Variants in PDZRN4 observed in about 807,000 individuals in gnomAD.
The protein encoded by PDZRN4 is PDZ domain containing ring finger 4.
Under a neutral mutation model 99.0 loss-of-function variants are expected in PDZRN4, and 70 were observed. The ratio of observed to expected loss-of-function variants is 0.71; its 90% CI spans 0.58 to 0.86. The LOEUF is 0.86. Among genes scored for constraint, PDZRN4 ranks in the 40% least tolerant of loss-of-function variants. PDZRN4 has a pLI of 0.00. For missense variants in PDZRN4, 1,474 were observed against 1,331.2 expected (o/e 1.11, Z -1.67); for synonymous variants, 551 against 501.6 (o/e 1.10, Z -1.32).
chr12:41,274,406 A>G (rs991418708), intron 3 of PDZRN4, among the ~76,000 whole-genome samples: 6 of 152,180 alleles, frequency 3.9e-5, no homozygotes, highest in African/African-American at 1.4e-4. Context: ...TTATAAATGG[A>G]AAACGCTTAA....
At chr12:41,285,625 C>A (rs1204712137) in intron 3 of PDZRN4, among the ~76,000 whole-genome samples, 1 of 152,142 alleles carries the variant, frequency 6.6e-6, no homozygotes, top group Admixed American at 6.5e-5. Context: ...CAACGTTAGA[C>A]TGGACAAAGA....
At chr12:41,370,108 C>T (rs1952030227) in intron 3 of PDZRN4, among the ~76,000 whole-genome samples, 2 of 151,876 alleles carry the variant, frequency 1.3e-5, no homozygotes, top group Admixed American at 6.6e-5. Flanking sequence ...TGCCCCTAAA[C>T]TAATTATAAT....
intron 3 of PDZRN4, among the ~76,000 whole-genome samples, chr12:41,494,603 A>G (rs1442317865): frequency 1.3e-5 from 2 of 151,528 alleles, no homozygotes; most frequent in Non-Finnish European, 2.9e-5. Context: ...TTTTTGCCTT[A>G]GGCATCAATC....
At chr12:41,234,144 T>G (rs936043686) in intron 3 of PDZRN4, among the ~76,000 whole-genome samples, 1 of 151,990 alleles carries the variant, frequency 6.6e-6, no homozygotes, top group Non-Finnish European at 1.5e-5. Flanking sequence ...ATAGTTTTCC[T>G]TTAAACCCCC....
chr12:41,336,821 G>C lies in PDZRN4; in HGVS notation c.843+142633G>C, dbSNP rs147300705. Among the ~76,000 whole-genome samples the C allele has an allele frequency of 3.1e-3, 474 of 152,162 alleles. 5 individuals carry two copies. The highest frequency in any genetic ancestry group is 0.011 in the African/African-American group (451 of 41,550). On this transcript the variant is annotated intron_variant, in intron 3 of 9. Transcript: ENST00000402685. ...TTCTTGCTGTCTTCTGTTCCTAGGTGGGATGGCAGAACTGGTTGAGCCAGA... is the reference window on the plus strand; with the variant it reads ...TTCTTGCTGTCTTCTGTTCCTAGGTCGGATGGCAGAACTGGTTGAGCCAGA...
intron 3 of PDZRN4, among the ~76,000 whole-genome samples, chr12:41,350,730 A>C (rs1193643367): frequency 6.6e-6 from 1 of 152,150 alleles, no homozygotes; most frequent in African/African-American, 2.4e-5. Flanking sequence ...ATAGTAGCTT[A>C]GAAAGTTACA....
chr12:41,279,986 T>C (rs149238440), intron 3 of PDZRN4, among the ~76,000 whole-genome samples: 1,729 of 151,998 alleles, frequency 0.011, 40 homozygotes, highest in African/African-American at 0.039. Flanking sequence ...AGAAGGTGGG[T>C]GATTTCTGCA....
intron 3 of PDZRN4, among the ~76,000 whole-genome samples, chr12:41,250,320 A>G (rs527724089): frequency 3.9e-5 from 6 of 152,298 alleles, no homozygotes; most frequent in Non-Finnish European, 8.8e-5. Flanking sequence ...CTCCAAAAAC[A>G]TTTTCAAGAA....
intron 3 of PDZRN4, among the ~76,000 whole-genome samples, chr12:41,311,729 AT>A (rs1951608186): frequency 6.6e-6 from 1 of 152,200 alleles, no homozygotes; most frequent in African/African-American, 2.4e-5. Context: ...TGTATGAGTT[AT>A]TGATGCTCTG....
At chr12:41,481,947 C>T (rs1419167721) in intron 3 of PDZRN4, among the ~76,000 whole-genome samples, 1 of 152,014 alleles carries the variant, frequency 6.6e-6, no homozygotes, top group Non-Finnish European at 1.5e-5. Context: ...TATAACAATA[C>T]TTTTTAAAGA....
At chr12:41,251,231 G>A (rs1382483640) in intron 3 of PDZRN4, among the ~76,000 whole-genome samples, 1 of 152,106 alleles carries the variant, frequency 6.6e-6, no homozygotes, top group Non-Finnish European at 1.5e-5. Flanking sequence ...AGATGTTTGT[G>A]GTGTTGGCTA....
At chr12:41,317,180 A>G (rs1951645014) in intron 3 of PDZRN4, among the ~76,000 whole-genome samples, 1 of 151,142 alleles carries the variant, frequency 6.6e-6, no homozygotes, top group Admixed American at 6.6e-5. Flanking sequence ...ATAGGTAAAC[A>G]TCTATCTACC....
intron 3 of PDZRN4, among the ~76,000 whole-genome samples, chr12:41,304,671 AT>A (rs1951558025): frequency 6.6e-6 from 1 of 152,226 alleles, no homozygotes; most frequent in South Asian, 2.1e-4. Flanking sequence ...TGCTAGAGAT[AT>A]AAAAATGAAT....
intron 3 of PDZRN4, among the ~76,000 whole-genome samples, chr12:41,211,717 T>C (rs1028517790): frequency 1.3e-5 from 2 of 151,996 alleles, no homozygotes; most frequent in Non-Finnish European, 2.9e-5. Context: ...TGTATATAAA[T>C]GCAATTTAAT....
chr12:41,464,820 C>CTTTTTTT (rs5797739), intron 3 of PDZRN4, among the ~76,000 whole-genome samples: 48 of 104,814 alleles, frequency 4.6e-4, no homozygotes, highest in African/African-American at 1.7e-3. Context: ...GCCTGTTGTA[C>CTTTTTTT]TTTTTTTTTT....
rs757133954 is a variant in PDZRN4 at position 41,478,139 on chromosome 12, G to A, written c.844-28317G>A. 5.9e-5 allele frequency among the ~76,000 whole-genome samples: 9 copies of A among 151,794 alleles called. No homozygotes were observed. In the Middle Eastern group the frequency reaches 0.01, roughly 172 times the overall value. On this transcript the variant is annotated intron_variant, in intron 3 of 9. Transcript: ENST00000402685. ...TTTTGTTTTTTGTTTTTTTGGAGAC[G>A]AAGACTCACTCTGTCACCCAGGCTG...
intron 3 of PDZRN4, among the ~76,000 whole-genome samples, chr12:41,418,964 T>C (rs749010946): frequency 6.6e-6 from 1 of 152,152 alleles, no homozygotes; most frequent in Non-Finnish European, 1.5e-5. Flanking sequence ...TGGCTTCTCG[T>C]AGCCAGAAGA....
chr12:41,373,690 A>G (rs903272855), intron 3 of PDZRN4, among the ~76,000 whole-genome samples: 2 of 152,112 alleles, frequency 1.3e-5, no homozygotes, highest in African/African-American at 4.8e-5. Flanking sequence ...CAGTCATCAC[A>G]GGGTCCTGAG....
At chr12:41,416,623 C>T (rs1355059036) in intron 3 of PDZRN4, among the ~76,000 whole-genome samples, 1 of 152,162 alleles carries the variant, frequency 6.6e-6, no homozygotes, top group South Asian at 2.1e-4. Flanking sequence ...CACCAATGCA[C>T]TCCAGCCTGG....
Sources: gnomAD v4.1 joint callset for allele counts (sites outside exome capture counted in the v4.1 genomes callset) on GRCh38, gnomAD v4.1.1 for gene constraint, MANE v1.5 for transcripts, NCBI Gene and HGNC (gene_info 2026-07-23, HGNC 2026-07-21) for gene names.